The following CAPRIN2 variants were observed in gnomAD, a reference collection of about 807,000 sequenced individuals.
The protein encoded by CAPRIN2 is caprin-2.
A neutral mutation model predicts 130.4 loss-of-function variants in CAPRIN2; 66 were observed. That is an observed-to-expected ratio of 0.51 (90% CI 0.42 to 0.62). The LOEUF is 0.62. Ranked by LOEUF, CAPRIN2 falls within the 20% of genes least tolerant of loss-of-function variation. The pLI, the probability that CAPRIN2 is intolerant of heterozygous loss-of-function variation, is 0.00. For missense variants in CAPRIN2, 1,185 were observed against 1,246.6 expected (o/e 0.95, Z 0.74); for synonymous variants, 471 against 444.1 (o/e 1.06, Z -0.76).
chr12:30,737,029 G>C (rs1204475670), intron 3 of CAPRIN2, among the ~76,000 whole-genome samples: 1 of 152,162 alleles, frequency 6.6e-6, no homozygotes, highest in African/African-American at 2.4e-5. Context: ...TTTTGAGACA[G>C]AGTATCATTA....
At chr12:30,726,042 G>A (rs73079976) in exon 9 of CAPRIN2, 79 of 1,596,448 alleles carry the variant, frequency 4.9e-5, no homozygotes, top group Non-Finnish European at 6.2e-5. Context: ...TGGATCCTTC[G>A]GAAGGGTAGA....
At chr12:30,726,722 T>C (rs2061044669) in intron 8 of CAPRIN2, among the ~76,000 whole-genome samples, 2 of 152,030 alleles carry the variant, frequency 1.3e-5, no homozygotes, top group African/African-American at 4.8e-5. Context: ...CACCTTCTAA[T>C]CAAAGAAGAC....
At chr12:30,754,559 T>G (rs2075415054), upstream of CAPRIN2, 1 of 152,128 alleles carries the variant, frequency 6.6e-6, no homozygotes, top group Non-Finnish European at 1.5e-5. Flanking sequence ...AAGCCGCTTC[T>G]GCAAGGCCCC....
intron 2 of CAPRIN2, among the ~76,000 whole-genome samples, chr12:30,743,281 A>G (rs530385641): frequency 3.3e-4 from 50 of 151,950 alleles, no homozygotes; most frequent in African/African-American, 1.1e-3. Flanking sequence ...GTCATCCCCA[A>G]TCTAAACAAG....
chr12:30,751,724 T>A (rs905228887), intron 1 of CAPRIN2: 2 of 152,282 alleles, frequency 1.3e-5, no homozygotes, highest in African/African-American at 4.8e-5. Context: ...TGTTGAATTA[T>A]GTGGCATTTT....
At chr12:30,723,135 T>C (rs1032643986) in intron 11 of CAPRIN2, 124 bp downstream of exon 12, 2 of 682,714 alleles carry the variant, frequency 2.9e-6, no homozygotes, top group Non-Finnish European at 5.1e-6. Context: ...CAAAACTAGA[T>C]ATGCTTAGAA....
intron 9 of CAPRIN2, among the ~76,000 whole-genome samples, chr12:30,725,420 T>C (rs1164281644): frequency 6.6e-6 from 1 of 152,226 alleles, no homozygotes; most frequent in Non-Finnish European, 1.5e-5. Flanking sequence ...CAGGATCTTT[T>C]ACTAAACAAA....
chr12:30,743,929 G>A lies in CAPRIN2; in HGVS notation c.484-2823C>T, dbSNP rs559146375. ...CTAAACTTCTCCATGCTCCAGTCTC[G>A]TTTACCTAAACAGCTGGTACCAGAC... On this transcript the variant is annotated intron_variant, in intron 2 of 16. Coordinates refer to ENST00000298892, the Ensembl canonical transcript of CAPRIN2. Among the ~76,000 whole-genome samples, 8 of 152,204 alleles carry A rather than the reference G, an allele frequency of 5.3e-5. No individual in the cohort carries two copies. In the East Asian group the frequency reaches 9.6e-4, roughly 18 times the overall value.
At chr12:30,746,269 C>T (rs895513571) in intron 2 of CAPRIN2, among the ~76,000 whole-genome samples, 3 of 152,164 alleles carry the variant, frequency 2.0e-5, no homozygotes, top group Non-Finnish European at 2.9e-5. Context: ...CAGTGACTCA[C>T]GCCTGTAATC....
exon 8 of CAPRIN2, chr12:30,729,179 C>T (rs1410953495): frequency 6.2e-7 from 1 of 1,614,052 alleles, no homozygotes; most frequent in Admixed American, 1.7e-5. Context: ...TAAAGGACTC[C>T]TGTTTCTTCT....
At chr12:30,713,940 A>G (rs2056418288) in intron 14 of CAPRIN2, 55 bp from the exon 17 acceptor site, 8 of 1,047,912 alleles carry the variant, frequency 7.6e-6, no homozygotes, top group Non-Finnish European at 1.2e-5. Flanking sequence ...TTAAACTTTT[A>G]AACAGTCTAA....
chr12:30,728,097 A>G (rs991889424), intron 8 of CAPRIN2, among the ~76,000 whole-genome samples: 4 of 152,330 alleles, frequency 2.6e-5, no homozygotes, highest in African/African-American at 7.2e-5. Flanking sequence ...ATCATGTTAT[A>G]TTGTTAAAAT....
At chr12:30,734,345 T>G (rs956343973) in intron 4 of CAPRIN2, among the ~76,000 whole-genome samples, 1 of 152,146 alleles carries the variant, frequency 6.6e-6, no homozygotes, top group Non-Finnish European at 1.5e-5. Context: ...AGCCTGCATC[T>G]AACAAAGCAA....
At chr12:30,712,639 A>G (rs1158878472) in intron 15 of CAPRIN2, among the ~76,000 whole-genome samples, 2 of 152,298 alleles carry the variant, frequency 1.3e-5, no homozygotes, top group East Asian at 1.9e-4. Context: ...TAGAGCTCAA[A>G]AAGTTTCACT....
intron 2 of CAPRIN2, among the ~76,000 whole-genome samples, chr12:30,744,800 T>C (rs2139379269): frequency 6.6e-6 from 1 of 152,332 alleles, no homozygotes; most frequent in South Asian, 2.1e-4. Context: ...ATTATAACCC[T>C]AATATTAAGT....
At chr12:30,729,432 T>A in intron 7 of CAPRIN2, 107 bp from the exon 9 acceptor site, 1 of 708,766 alleles carries the variant, frequency 1.4e-6, no homozygotes, top group Non-Finnish European at 2.2e-6. Context: ...GTTGTTGCAC[T>A]AATATTAAAT....
At chr12:30,737,965 A>G (rs960944249) in intron 3 of CAPRIN2, among the ~76,000 whole-genome samples, 2 of 152,166 alleles carry the variant, frequency 1.3e-5, no homozygotes, top group African/African-American at 4.8e-5. Context: ...GCTCATGAGG[A>G]CAAAGCAGAA....
rs912566890 is a variant in CAPRIN2, at chr12:30,734,952, C to A, written c.809+16G>T. On this transcript the variant is annotated intron_variant, in intron 4 of 16. Transcript: ENST00000298892. ...GTCAAGTGTTTCATTTCAGGAAAAT[C>A]TTTTCATTAGCTTACCTCAGACTTT... is the stretch of plus-strand genomic sequence containing the variant. 7 of 1,566,036 alleles carry A rather than the reference C, an allele frequency of 4.5e-6. No individual in the cohort carries two copies. In the Admixed American group the frequency reaches 6.7e-5, roughly 15 times the overall value.
At chr12:30,726,076 C>T in exon 9 of CAPRIN2, 1 of 1,547,632 alleles carries the variant, frequency 6.5e-7, no homozygotes, top group Non-Finnish European at 8.7e-7. Flanking sequence ...GGCTGATGCA[C>T]AGGCTTAGGC....
Sources: allele counts gnomAD v4.1 joint callset (sites outside exome capture counted in the v4.1 genomes callset), GRCh38; gene constraint gnomAD v4.1.1; transcripts MANE v1.5; gene names NCBI Gene and HGNC (gene_info 2026-07-23, HGNC 2026-07-21).